Variants in PPP2R3A observed in about 807,000 individuals in gnomAD.
PPP2R3A encodes serine/threonine-protein phosphatase 2A regulatory subunit B'' subunit alpha.
A neutral mutation model predicts 106.9 loss-of-function variants in PPP2R3A; 80 were observed. The ratio of observed to expected loss-of-function variants is 0.75; its 90% CI spans 0.62 to 0.90. PPP2R3A has a LOEUF of 0.90. Ranked by LOEUF, PPP2R3A falls within the 40% of genes least tolerant of loss-of-function variation. The pLI is 0.00. For missense variants in PPP2R3A, 1,386 were observed against 1,350.4 expected (o/e 1.03, Z -0.41); for synonymous variants, 483 against 468.3 (o/e 1.03, Z -0.41).
At chr3:136,038,394 G>T (rs1935154879) in intron 3 of PPP2R3A, among the ~76,000 whole-genome samples, 1 of 152,128 alleles carries the variant, frequency 6.6e-6, no homozygotes, top group South Asian at 2.1e-4. Flanking sequence ...CTCCTTATGA[G>T]CTGGTGTATA....
chr3:136,089,204 T>C (rs1937032193), intron 9 of PPP2R3A, among the ~76,000 whole-genome samples: 1 of 152,168 alleles, frequency 6.6e-6, no homozygotes, highest in African/African-American at 2.4e-5. Flanking sequence ...TCTAGAATTG[T>C]TATAGTTTCA....
chr3:135,987,362 C>G (rs186457926), intron 1 of PPP2R3A, among the ~76,000 whole-genome samples: 86 of 152,166 alleles, frequency 5.7e-4, no homozygotes, highest in Non-Finnish European at 4.9e-4. Context: ...CCAGATGACA[C>G]CTGCACACAC....
intron 10 of PPP2R3A, among the ~76,000 whole-genome samples, chr3:136,099,216 G>T (rs1937294850): frequency 6.6e-6 from 1 of 152,148 alleles, no homozygotes; most frequent in Non-Finnish European, 1.5e-5. Flanking sequence ...TCATTTTACA[G>T]TAAAGCCCAG....
intron 3 of PPP2R3A, among the ~76,000 whole-genome samples, chr3:136,032,550 C>A (rs996710895): frequency 1.3e-5 from 2 of 148,620 alleles, no homozygotes; most frequent in African/African-American, 2.5e-5. Context: ...TTTCCTGAGA[C>A]GGAGTCTCGC....
chr3:136,128,829 C>T (rs1489719648), intron 13 of PPP2R3A, among the ~76,000 whole-genome samples: 3 of 152,162 alleles, frequency 2.0e-5, no homozygotes, highest in Non-Finnish European at 2.9e-5. Context: ...TCTCAGACCA[C>T]AGTGCAATCA....
intron 4 of PPP2R3A, among the ~76,000 whole-genome samples, chr3:136,045,861 A>G (rs1196987142): frequency 1.3e-5 from 2 of 152,138 alleles, no homozygotes; most frequent in Non-Finnish European, 2.9e-5. Context: ...GCCTGAGAAA[A>G]CCCAGTACAG....
intron 11 of PPP2R3A, among the ~76,000 whole-genome samples, chr3:136,102,859 G>T (rs1038662754): frequency 2.0e-5 from 3 of 152,042 alleles, no homozygotes; most frequent in African/African-American, 7.2e-5. Flanking sequence ...GGGTTTGGGG[G>T]ATGAAAGAAG....
At chr3:136,012,232 C>A (rs1237966472) in intron 2 of PPP2R3A, among the ~76,000 whole-genome samples, 1 of 152,102 alleles carries the variant, frequency 6.6e-6, no homozygotes, top group African/African-American at 2.4e-5. Flanking sequence ...CTAAGAAGTA[C>A]AGAGAACTCT....
intron 10 of PPP2R3A, among the ~76,000 whole-genome samples, chr3:136,098,314 T>A (rs1205094784): frequency 2.0e-5 from 3 of 152,184 alleles, no homozygotes; most frequent in African/African-American, 7.2e-5. Context: ...AGAGCCTATC[T>A]CAAAAACAAA....
In PPP2R3A at chr3:136,002,742, T is replaced by C. The variant is rs2107790314; in HGVS notation, c.1244T>C (p.Leu415Pro). The C allele has an allele frequency of 6.2e-7, 1 of 1,612,860 alleles. No individual in the cohort carries two copies. Among genetic ancestry groups the C allele is most frequent in the South Asian group, 1.1e-5 (1 of 90,770 alleles). Residue 415 changes from leucine (L) to proline (P), a missense_variant, in exon 2 of 14, where the codon CTT becomes CCT. Leu to Pro is a moderately conservative substitution (Grantham distance 98). Coordinates refer to ENST00000264977, the MANE Select transcript of PPP2R3A (RefSeq NM_002718.5). ...TCTTCTGACGACTTAATGGAAACTC[T>C]TTATATTGAAGAAGAGTCAGATGGA... ...NVSSDDLMET[L>P]YIEEESDGKK...
chr3:136,143,260 G>A (rs1224789601), intron 13 of PPP2R3A, among the ~76,000 whole-genome samples: 1 of 152,008 alleles, frequency 6.6e-6, no homozygotes, highest in Non-Finnish European at 1.5e-5. Context: ...AGGCTGATGG[G>A]GGTGGATCAC....
At chr3:136,070,408 G>C in intron 5 of PPP2R3A, 70 bp from the exon 6 acceptor site, 1 of 1,269,296 alleles carries the variant, frequency 7.9e-7, no homozygotes, top group Non-Finnish European at 1.1e-6. Context: ...CAACATACAG[G>C]AAGGAAAAAC....
chr3:136,121,154 A>G (rs1239180688), intron 13 of PPP2R3A, among the ~76,000 whole-genome samples: 1 of 152,190 alleles, frequency 6.6e-6, no homozygotes, highest in Non-Finnish European at 1.5e-5. Context: ...CATATTCACA[A>G]TAGCAAAGAC....
At chr3:136,026,715 A>T in intron 2 of PPP2R3A, 117 bp from the exon 3 acceptor site, 1 of 885,088 alleles carries the variant, frequency 1.1e-6, no homozygotes, top group Non-Finnish European at 1.7e-6. Flanking sequence ...TTAAGAGTAC[A>T]GTGAGCCCTT....
chr3:136,028,460 G>A (rs1220255000), intron 3 of PPP2R3A, among the ~76,000 whole-genome samples: 9 of 152,106 alleles, frequency 5.9e-5, no homozygotes, highest in Admixed American at 3.3e-4. Flanking sequence ...TTTTACTTAT[G>A]AGGGAACTGC....
intron 1 of PPP2R3A, among the ~76,000 whole-genome samples, chr3:135,972,630 G>T (rs775537460): frequency 1.3e-5 from 2 of 152,072 alleles, no homozygotes; most frequent in Non-Finnish European, 2.9e-5. Context: ...CAGCACTTTT[G>T]TTTTCTGGTT....
chr3:136,115,815 A>C (rs1459999267), intron 13 of PPP2R3A, among the ~76,000 whole-genome samples: 1 of 152,144 alleles, frequency 6.6e-6, no homozygotes, highest in Non-Finnish European at 1.5e-5. Context: ...AAGTTGGAAA[A>C]CACTCTTCAG....
intron 5 of PPP2R3A, among the ~76,000 whole-genome samples, chr3:136,053,036 A>C (rs947976417): frequency 6.6e-6 from 1 of 152,236 alleles, no homozygotes; most frequent in Non-Finnish European, 1.5e-5. Flanking sequence ...GGAACAGAAA[A>C]CCAAATACCA....
At chr3:136,096,955 C>T (rs1937230008) in intron 10 of PPP2R3A, among the ~76,000 whole-genome samples, 1 of 151,668 alleles carries the variant, frequency 6.6e-6, no homozygotes, top group African/African-American at 2.4e-5. Flanking sequence ...GGTGACAGAG[C>T]GAGACTTTGT....
Sources: allele counts gnomAD v4.1 joint callset (sites outside exome capture counted in the v4.1 genomes callset), GRCh38; gene constraint gnomAD v4.1.1; transcripts MANE v1.5; gene names NCBI Gene and HGNC (gene_info 2026-07-23, HGNC 2026-07-21).